AGBL4: variants seen among roughly 807,000 people sequenced by gnomAD.
AGBL4 encodes cytosolic carboxypeptidase 6.
Under a neutral mutation model 66.4 loss-of-function variants are expected in AGBL4, and 58 were observed. The ratio of observed to expected loss-of-function variants is 0.87; its 90% CI spans 0.71 to 1.09. AGBL4 has a LOEUF of 1.09. AGBL4 is among the 50% of genes least tolerant of loss of function. The probability of loss-of-function intolerance (pLI) is 0.00; values close to 1 mark genes in which losing one functional copy is unlikely to be tolerated. For missense variants in AGBL4, 579 were observed against 631.0 expected, an observed-to-expected ratio of 0.92 and a Z score of 0.88; for synonymous variants, 234 against 222.9, an observed-to-expected ratio of 1.05 and a Z score of -0.44.
chr1:48,769,863 A>C (rs953374772), intron 6 of AGBL4, among the ~76,000 whole-genome samples: 1 of 152,218 alleles, frequency 6.6e-6, no homozygotes, highest in Non-Finnish European at 1.5e-5. Context: ...ACAGCTTCTA[A>C]GTAGCACAGT....
chr1:49,501,611 TTTA>T (rs1320292839), intron 3 of AGBL4, among the ~76,000 whole-genome samples: 4 of 152,074 alleles, frequency 2.6e-5, no homozygotes, highest in Non-Finnish European at 4.4e-5. Context: ...GTTTCATTGA[TTTA>T]TTATTTTTTC....
intron 5 of AGBL4, among the ~76,000 whole-genome samples, chr1:48,986,533 A>C (rs1368378062): frequency 1.3e-5 from 2 of 152,162 alleles, no homozygotes; most frequent in African/African-American, 2.4e-5. Context: ...GAAAGAAAAA[A>C]CTTCAAACTA....
intron 6 of AGBL4, among the ~76,000 whole-genome samples, chr1:48,824,774 A>G (rs1283982717): frequency 6.6e-6 from 1 of 152,174 alleles, no homozygotes; most frequent in Admixed American, 6.5e-5. Context: ...GAGGTAGGCC[A>G]GGTTACTGCC....
At chr1:48,780,653 A>G (rs552611109) in intron 6 of AGBL4, among the ~76,000 whole-genome samples, 65 of 152,302 alleles carry the variant, frequency 4.3e-4, no homozygotes, top group African/African-American at 1.5e-3. Context: ...TGTTTGACAA[A>G]CCTGACAAAA....
At chr1:48,691,058 C>T (rs1364884988) in intron 6 of AGBL4, among the ~76,000 whole-genome samples, 1 of 149,770 alleles carries the variant, frequency 6.7e-6, no homozygotes, top group African/African-American at 2.5e-5. Context: ...TCAGCTACTC[C>T]AGAGGCTGAG....
At chr1:48,739,820 T>G (rs1246034955) in intron 6 of AGBL4, among the ~76,000 whole-genome samples, 3 of 152,252 alleles carry the variant, frequency 2.0e-5, no homozygotes, top group Non-Finnish European at 4.4e-5. Context: ...CCCTACGTTT[T>G]CTTAAGCCTG....
At chr1:49,650,043 C>T (rs1284297016) in intron 3 of AGBL4, among the ~76,000 whole-genome samples, 1 of 152,122 alleles carries the variant, frequency 6.6e-6, no homozygotes. Context: ...AATAAGAATA[C>T]TCTGAAATCA....
chr1:49,925,409 G>A (rs187360949), intron 1 of AGBL4, among the ~76,000 whole-genome samples: 19 of 152,284 alleles, frequency 1.2e-4, no homozygotes, highest in African/African-American at 4.6e-4. Context: ...TACAGGCTGT[G>A]GGTCTTGAGT....
At chr1:49,151,004 C>T (rs1452604441) in intron 4 of AGBL4, among the ~76,000 whole-genome samples, 2 of 152,054 alleles carry the variant, frequency 1.3e-5, no homozygotes, top group African/African-American at 2.4e-5. Flanking sequence ...CGCGGTGGCT[C>T]ACGTCTGTAA....
At chr1:48,987,112 A>G (rs1257020938) in intron 5 of AGBL4, among the ~76,000 whole-genome samples, 2 of 151,972 alleles carry the variant, frequency 1.3e-5, no homozygotes, top group Non-Finnish European at 2.9e-5. Flanking sequence ...AACATATTCA[A>G]AGAATACTCC....
At chr1:48,907,361 G>A (rs1242029324) in intron 5 of AGBL4, among the ~76,000 whole-genome samples, 1 of 152,204 alleles carries the variant, frequency 6.6e-6, no homozygotes, top group Non-Finnish European at 1.5e-5. Flanking sequence ...ATAAAATAAT[G>A]TAGCTGTCAT....
intron 11 of AGBL4, among the ~76,000 whole-genome samples, chr1:48,546,939 C>T (rs1227513469): frequency 1.3e-5 from 2 of 149,886 alleles, no homozygotes; most frequent in Admixed American, 6.6e-5. Flanking sequence ...AGAAAATGCA[C>T]AGAGTCTGTA....
chr1:49,221,205 G>C (rs1463494539), intron 4 of AGBL4, among the ~76,000 whole-genome samples: 1 of 151,946 alleles, frequency 6.6e-6, no homozygotes, highest in African/African-American at 2.4e-5. Flanking sequence ...AAAGATTTTT[G>C]TTTCAAAAAA....
intron 3 of AGBL4, among the ~76,000 whole-genome samples, chr1:49,440,276 G>T (rs1645998359): frequency 3.3e-5 from 5 of 151,992 alleles, no homozygotes; most frequent in Non-Finnish European, 4.4e-5. Context: ...CACTGTGTTA[G>T]CCAGGATGGT....
chr1:48,539,135 G>A (rs867535714), intron 12 of AGBL4, among the ~76,000 whole-genome samples: 2 of 152,206 alleles, frequency 1.3e-5, no homozygotes, highest in African/African-American at 2.4e-5. Context: ...TCTCAAGGGT[G>A]TGTCCTCTCC....
rs544711494 is a variant in AGBL4 at position 48,980,718 on chromosome 1, A to AAT, written c.594+64864_594+64865dup. ...ATTAGTGTTTAAAAAGTAAAGAAGA[A>AAT]ATATATATATATATATATATATATA... On this transcript the variant is annotated intron_variant, in intron 5 of 13. Coordinates refer to ENST00000371839, the MANE Select transcript of AGBL4 (RefSeq NM_032785.4). Among the ~76,000 whole-genome samples, 30 of 92,282 alleles carry AAT rather than the reference A, an allele frequency of 3.3e-4. 1 individual carries two copies. The highest frequency in any genetic ancestry group is 5.8e-4 in the African/African-American group (14 of 24,338). 60.5% of individuals were successfully genotyped at this position (92,282 alleles called of 152,430 possible).
chr1:49,516,138 G>A (rs1225805443), intron 3 of AGBL4, among the ~76,000 whole-genome samples: 2 of 151,708 alleles, frequency 1.3e-5, no homozygotes, highest in African/African-American at 4.8e-5. Context: ...AGATTCATTA[G>A]GAGCTAGCTC....
At chr1:48,948,248 C>G (rs1656687653) in intron 5 of AGBL4, among the ~76,000 whole-genome samples, 1 of 152,216 alleles carries the variant, frequency 6.6e-6, no homozygotes. Context: ...AGTGCTCCAG[C>G]TCTTTGCACG....
chr1:48,703,115 C>T (rs370984382), intron 6 of AGBL4, among the ~76,000 whole-genome samples: 1 of 152,010 alleles, frequency 6.6e-6, no homozygotes, highest in African/African-American at 2.4e-5. Flanking sequence ...AAACATTGCC[C>T]TAAAAACTTA....
Sources: allele counts gnomAD v4.1 joint callset (sites outside exome capture counted in the v4.1 genomes callset), GRCh38; gene constraint gnomAD v4.1.1; transcripts MANE v1.5; gene names NCBI Gene and HGNC (gene_info 2026-07-23, HGNC 2026-07-21).